Variants in ATP8A2 observed in about 807,000 individuals in gnomAD.
The protein encoded by ATP8A2 is phospholipid-transporting ATPase IB.
Under a neutral mutation model 165.6 loss-of-function variants are expected in ATP8A2, and 100 were observed. The observed-to-expected ratio is 0.60, with a 90% CI of 0.51 to 0.71. ATP8A2 has a LOEUF of 0.71. Ranked by LOEUF, ATP8A2 falls within the 30% of genes least tolerant of loss-of-function variation. The pLI, the probability that ATP8A2 is intolerant of heterozygous loss-of-function variation, is 0.00. For synonymous variants in ATP8A2, 543 were observed against 548.8 expected, an observed-to-expected ratio of 0.99 and a Z score of 0.15; for missense variants, 1,227 against 1,479.5, an observed-to-expected ratio of 0.83 and a Z score of 2.80.
At chr13:25,492,011 G>C (rs910470373) in intron 2 of ATP8A2, among the ~76,000 whole-genome samples, 1 of 152,018 alleles carries the variant, frequency 6.6e-6, no homozygotes, top group South Asian at 2.1e-4. Context: ...TTTTTTGGAC[G>C]ATAAAAATTT....
intron 33 of ATP8A2, among the ~76,000 whole-genome samples, chr13:25,902,939 G>GCACACACACACACACA (rs3221410): frequency 0.07 from 9,879 of 140,274 alleles, 427 homozygotes; most frequent in Non-Finnish European, 0.097. Flanking sequence ...TCCTCAGCAT[G>GCACACACACACACACA]CACACACACA....
At chr13:25,838,081 A>G (rs938125983) in intron 29 of ATP8A2, among the ~76,000 whole-genome samples, 11 of 152,142 alleles carry the variant, frequency 7.2e-5, no homozygotes, top group South Asian at 6.2e-4. Flanking sequence ...GTCTTTGCGC[A>G]GGGGGGATTC....
chr13:25,397,463 A>C (rs1422384015), intron 1 of ATP8A2, among the ~76,000 whole-genome samples: 3 of 152,032 alleles, frequency 2.0e-5, no homozygotes, highest in Non-Finnish European at 4.4e-5. Flanking sequence ...TAAGGCGTGG[A>C]GGGGTCCTCT....
intron 24 of ATP8A2, among the ~76,000 whole-genome samples, chr13:25,670,956 T>A: frequency 6.6e-6 from 1 of 152,214 alleles, no homozygotes; most frequent in East Asian, 1.9e-4. Context: ...TTCTGTTAAG[T>A]GTCTTGCTTC....
chr13:25,948,928 T>C (rs908837339), intron 33 of ATP8A2, among the ~76,000 whole-genome samples: 2 of 152,212 alleles, frequency 1.3e-5, no homozygotes, highest in African/African-American at 4.8e-5. Context: ...TTCAAGACTG[T>C]GCAGCCCCTC....
chr13:25,729,578 C>A (rs993726001), intron 25 of ATP8A2, among the ~76,000 whole-genome samples: 1 of 152,180 alleles, frequency 6.6e-6, no homozygotes, highest in Admixed American at 6.5e-5. Context: ...TGGACTGTGT[C>A]GCGACACGTG....
chr13:25,445,312 G>C (rs17082320), intron 1 of ATP8A2, among the ~76,000 whole-genome samples: 6,863 of 152,242 alleles, frequency 0.045, 193 homozygotes, highest in East Asian at 0.095. Flanking sequence ...AAGAATAAAA[G>C]CATTAAGTTT....
At chr13:25,642,844 A>C (rs543701394) in intron 24 of ATP8A2, among the ~76,000 whole-genome samples, 53 of 152,360 alleles carry the variant, frequency 3.5e-4, no homozygotes, top group African/African-American at 1.2e-3. Context: ...CTGGATTAAG[A>C]AAATGTGGCA....
intron 24 of ATP8A2, among the ~76,000 whole-genome samples, chr13:25,595,889 A>T (rs1303369074): frequency 6.6e-6 from 1 of 151,964 alleles, no homozygotes; most frequent in African/African-American, 2.4e-5. Context: ...ATTTGGATTC[A>T]TTCAAACCAA....
chr13:25,932,466 C>T (rs1055616546), intron 33 of ATP8A2, among the ~76,000 whole-genome samples: 10 of 152,206 alleles, frequency 6.6e-5, no homozygotes, highest in Non-Finnish European at 1.3e-4. Context: ...CGAGCATCAG[C>T]TGTAGCTGCT....
At chr13:25,461,625 ACTT>A (rs1347083416) in intron 1 of ATP8A2, among the ~76,000 whole-genome samples, 2 of 152,224 alleles carry the variant, frequency 1.3e-5, no homozygotes, top group East Asian at 3.9e-4. Context: ...GACATAACCA[ACTT>A]CTTAACTCAT....
chr13:25,500,299 T>G (rs551621019), intron 2 of ATP8A2, among the ~76,000 whole-genome samples: 1 of 152,172 alleles, frequency 6.6e-6, no homozygotes, highest in African/African-American at 2.4e-5. Flanking sequence ...AACTCAATTA[T>G]GTTATTGTAG....
chr13:26,009,479 C>A (rs1387525319), intron 35 of ATP8A2, among the ~76,000 whole-genome samples: 1 of 152,190 alleles, frequency 6.6e-6, no homozygotes, highest in African/African-American at 2.4e-5. Context: ...TGTTCACATC[C>A]CCATGCAAAA....
At chr13:25,710,594 C>A (rs1016166747) in intron 25 of ATP8A2, among the ~76,000 whole-genome samples, 3 of 152,152 alleles carry the variant, frequency 2.0e-5, no homozygotes, top group African/African-American at 7.2e-5. Flanking sequence ...GGCCAGCTCC[C>A]AGGACTGGCC....
intron 1 of ATP8A2, among the ~76,000 whole-genome samples, chr13:25,454,321 T>C (rs930916245): frequency 1.3e-5 from 2 of 152,176 alleles, no homozygotes; most frequent in Non-Finnish European, 2.9e-5. Flanking sequence ...AACTGTCTTT[T>C]CATGAGTGTG....
intron 1 of ATP8A2, among the ~76,000 whole-genome samples, chr13:25,428,672 G>A (rs1000840213): frequency 2.0e-5 from 3 of 152,114 alleles, no homozygotes; most frequent in African/African-American, 7.2e-5. Context: ...GGCAATGCTC[G>A]CAAGTATAAC....
chr13:25,556,871 T>A (rs146702210), intron 13 of ATP8A2, among the ~76,000 whole-genome samples: 42 of 152,266 alleles, frequency 2.8e-4, no homozygotes, highest in African/African-American at 8.7e-4. Context: ...GGTGAAGGAA[T>A]ACTACCATGT....
chr13:25,625,224 G>C (rs981843760), intron 24 of ATP8A2, among the ~76,000 whole-genome samples: 3 of 152,184 alleles, frequency 2.0e-5, no homozygotes, highest in Admixed American at 6.5e-5. Flanking sequence ...TCAAGAGACA[G>C]GAGAAATGTT....
intron 16 of ATP8A2, among the ~76,000 whole-genome samples, chr13:25,564,267 G>A (rs976402171): frequency 1.3e-5 from 2 of 152,146 alleles, no homozygotes; most frequent in African/African-American, 4.8e-5. Flanking sequence ...AGATCAAGAC[G>A]AGTTTTACCA....
Sources: allele counts gnomAD v4.1 joint callset (sites outside exome capture counted in the v4.1 genomes callset), GRCh38; gene constraint gnomAD v4.1.1; transcripts MANE v1.5; gene names NCBI Gene and HGNC (gene_info 2026-07-23, HGNC 2026-07-21).